The following LIPJ variants were observed in gnomAD, a reference collection of about 807,000 sequenced individuals.
LIPJ encodes lipase member J.
In LIPJ, 33 loss-of-function variants were observed where a neutral mutation model predicts 39.8. The ratio of observed to expected loss-of-function variants is 0.83; its 90% CI spans 0.63 to 1.11. The LOEUF is 1.11. Ranked by LOEUF, LIPJ falls within the 50% of genes least tolerant of loss-of-function variation. The probability of loss-of-function intolerance (pLI) is 0.00; values close to 1 mark genes in which losing one functional copy is unlikely to be tolerated. For missense variants in LIPJ, 422 were observed against 427.9 expected, an observed-to-expected ratio of 0.99 and a Z score of 0.12; for synonymous variants, 128 against 139.2, an observed-to-expected ratio of 0.92 and a Z score of 0.57.
At chr10:88,586,130 T>C (rs1850907612), upstream of LIPJ, among the ~76,000 whole-genome samples, 2 of 152,196 alleles carry the variant, frequency 1.3e-5, no homozygotes. Context: ...TTTTTCTTTC[T>C]CCCTATGATC....
upstream of LIPJ, among the ~76,000 whole-genome samples, chr10:88,585,423 T>A (rs900967983): frequency 3.3e-5 from 5 of 152,204 alleles, no homozygotes; most frequent in Admixed American, 6.5e-5. Flanking sequence ...CGTTTCTCCA[T>A]TGTCTCTTGA....
intron 8 of LIPJ, among the ~76,000 whole-genome samples, chr10:88,600,073 C>T (rs1851421437): frequency 6.6e-6 from 1 of 151,794 alleles, no homozygotes; most frequent in African/African-American, 2.4e-5. Context: ...TTATTATTCT[C>T]TTAGAAATTA....
intron 8 of LIPJ, among the ~76,000 whole-genome samples, chr10:88,598,869 T>TA (rs1196394146): frequency 6.7e-6 from 1 of 150,358 alleles, no homozygotes; most frequent in Admixed American, 6.7e-5. Flanking sequence ...GAGGACATAA[T>TA]AAATACCTGA....
chr10:88,596,273 A>C lies in LIPJ; in HGVS notation c.440-7A>C. 1 of 1,355,226 alleles carries C rather than the reference A, an allele frequency of 7.4e-7. No individual in the cohort carries two copies. Among genetic ancestry groups the C allele is most frequent in the Middle Eastern group, 2.1e-4 (1 of 4,798 alleles). 84.0% of individuals were successfully genotyped at this position (1,355,226 alleles called of 1,614,324 possible). A position where few individuals can be genotyped will look rare whatever the true frequency, so the allele number is the denominator to read the frequency against. On this transcript the variant is annotated splice_polypyrimidine_tract_variant and splice_region_variant and intron_variant, in intron 6 of 10. Coordinates refer to ENST00000371939, the Ensembl canonical transcript of LIPJ. Reference sequence around the variant, plus strand: ...AGCTTACTAATTTATATCTTATTTTATTTTAGGTTTCATAACATTTTCTAC... The same window carrying C: ...AGCTTACTAATTTATATCTTATTTTCTTTTAGGTTTCATAACATTTTCTAC...
intron 5 of LIPJ, 67 bp from the exon 6 acceptor site, chr10:88,594,600 A>C (rs1245316197): frequency 2.5e-5 from 19 of 747,822 alleles, no homozygotes; most frequent in Non-Finnish European, 3.3e-5. Context: ...TTATCTCTTC[A>C]TTATTTTCAA....
chr10:88,594,788 A>C lies in LIPJ; in HGVS notation c.439+12A>C, dbSNP rs777526001. ...GGGTACTACTATTGGTATGCCAAGA[A>C]AGATTATTGCTAATATCCCTTAATT... On this transcript the variant is annotated intron_variant, in intron 6 of 10. Coordinates refer to ENST00000371939, the Ensembl canonical transcript of LIPJ. The C allele has an allele frequency of 8.3e-7, 1 of 1,211,970 alleles. No homozygotes were observed. 75.1% of individuals were successfully genotyped at this position (1,211,970 alleles called of 1,614,324 possible).
At chr10:88,616,469 G>T in the LIPJ span, among the ~76,000 whole-genome samples, 2 of 152,198 alleles carry the variant, frequency 1.3e-5, no homozygotes, top group African/African-American at 4.8e-5. Flanking sequence ...CTGTGCAAAC[G>T]CCAGGTCGAG....
chr10:88,590,655 C>A, exon 3 of LIPJ: 7 of 1,562,178 alleles, frequency 4.5e-6, no homozygotes, highest in Non-Finnish European at 6.2e-6. Context: ...TGGTGTCTTT[C>A]AAAATTAAAG....
chr10:88,613,929 C>T, the LIPJ span, among the ~76,000 whole-genome samples: 1 of 148,290 alleles, frequency 6.7e-6, no homozygotes, highest in African/African-American at 2.5e-5. Context: ...AATGTATAAA[C>T]TGTACACCAA....
intron 4 of LIPJ, 179 bp from the exon 5 acceptor site, chr10:88,593,767 A>G: frequency 4.1e-6 from 2 of 491,908 alleles, no homozygotes; most frequent in Non-Finnish European, 7.2e-6. Context: ...TCCATTAGTG[A>G]ACTGTATTAA....
intron 4 of LIPJ, chr10:88,591,945 C>G (rs531545969): frequency 1.3e-5 from 2 of 152,244 alleles, no homozygotes; most frequent in South Asian, 4.1e-4. Flanking sequence ...CAGTAAGTAT[C>G]ATCAGAGTGT....
intron 10 of LIPJ, among the ~76,000 whole-genome samples, chr10:88,606,056 G>A (rs1851654818): frequency 6.6e-6 from 1 of 152,098 alleles, no homozygotes; most frequent in South Asian, 2.1e-4. Flanking sequence ...CCTAAAACCA[G>A]TTATTCTATT....
At chr10:88,597,035 A>C (rs867459961) in intron 8 of LIPJ, 99 bp downstream of exon 8, 3 of 668,966 alleles carry the variant, frequency 4.5e-6, no homozygotes, top group Non-Finnish European at 7.4e-6. Context: ...TTTGTGTTTC[A>C]TCCACATACA....
chr10:88,606,684 C>T lies in LIPJ; in HGVS notation c.878C>T (p.Pro293Leu), dbSNP rs146064201. 13 of 1,606,456 alleles carry T rather than the reference C, an allele frequency of 8.1e-6. No homozygotes were observed. In the African/African-American group the frequency reaches 1.3e-4, roughly 17 times the overall value. The change falls in exon 11 of 11, where the codon CCA (proline) becomes CTA (leucine). Residue 293 changes from proline (P) to leucine (L), a missense_variant. Physicochemically the swap from Pro to Leu is moderately conservative, Grantham distance 98. Transcript: ENST00000371939. ...CTCATTTATTTTCAGACAACGTCTCCATTATACAACATGACAAACATGAAT... is the reference window on the plus strand; with the variant it reads ...CTCATTTATTTTCAGACAACGTCTCTATTATACAACATGACAAACATGAAT...
intron 9 of LIPJ, among the ~76,000 whole-genome samples, chr10:88,603,537 T>G (rs1851565520): frequency 6.6e-6 from 1 of 152,212 alleles, no homozygotes; most frequent in African/African-American, 2.4e-5. Context: ...AAGAACACTT[T>G]TCTCAGATCA....
chr10:88,593,810 A>G, intron 4 of LIPJ, 136 bp from the exon 5 acceptor site: 1 of 669,882 alleles, frequency 1.5e-6, no homozygotes. Flanking sequence ...TTAAATCTTA[A>G]TAACTTACCC....
chr10:88,591,562 T>G, intron 4 of LIPJ, 64 bp downstream of exon 4: 1 of 1,417,276 alleles, frequency 7.1e-7, no homozygotes, highest in South Asian at 1.3e-5. Flanking sequence ...TTGCTCCAAT[T>G]GACGGAGAAC....
chr10:88,597,501 A>T (rs1261882000), intron 8 of LIPJ, among the ~76,000 whole-genome samples: 1 of 151,892 alleles, frequency 6.6e-6, no homozygotes, highest in Non-Finnish European at 1.5e-5. Flanking sequence ...TCATCACATT[A>T]AATTAAACAT....
chr10:88,595,839 C>T (rs1365284730), intron 6 of LIPJ, among the ~76,000 whole-genome samples: 1 of 151,304 alleles, frequency 6.6e-6, no homozygotes, highest in East Asian at 1.9e-4. Flanking sequence ...GCTTAGTATC[C>T]TCTGTATAAG....
Sources: gnomAD v4.1 joint callset for allele counts (sites outside exome capture counted in the v4.1 genomes callset) on GRCh38, gnomAD v4.1.1 for gene constraint, MANE v1.5 for transcripts, NCBI Gene and HGNC (gene_info 2026-07-23, HGNC 2026-07-21) for gene names.